Variants in ARHGAP6 observed in about 807,000 individuals in gnomAD.
The protein encoded by ARHGAP6 is rho GTPase-activating protein 6.
ARHGAP6 carries 16 observed loss-of-function variants against 55.7 expected under a neutral mutation model. The ratio of observed to expected loss-of-function variants is 0.29; its 90% CI spans 0.19 to 0.44. ARHGAP6 has a LOEUF of 0.44. ARHGAP6 is among the 20% of genes least tolerant of loss of function. ARHGAP6 has a pLI of 1.00. For missense variants in ARHGAP6, 698 were observed against 808.9 expected (o/e 0.86, Z 1.66); for synonymous variants, 382 against 360.9 (o/e 1.06, Z -0.66).
intron 1 of ARHGAP6, among the ~76,000 whole-genome samples, chrX:11,557,649 C>T (rs2051335076): frequency 8.9e-6 from 1 of 111,889 alleles, no homozygotes; most frequent in Non-Finnish European, 1.9e-5. Flanking sequence ...CGATTCATCC[C>T]AGTGTTAATT....
At chrX:11,506,493 T>C (rs1461241922) in intron 1 of ARHGAP6, among the ~76,000 whole-genome samples, 1 of 110,886 alleles carries the variant, frequency 9.0e-6, no homozygotes, top group Non-Finnish European at 1.9e-5. Context: ...ATGTGGTGTT[T>C]GGTTTTCTGT....
chrX:11,227,075 A>G (rs977390154), intron 2 of ARHGAP6, among the ~76,000 whole-genome samples: 16 of 112,215 alleles, frequency 1.4e-4, no homozygotes, highest in African/African-American at 5.2e-4. Context: ...GTGAAAAGAC[A>G]TGCTCATATG....
chrX:11,514,432 C>T (rs745645394), intron 1 of ARHGAP6, among the ~76,000 whole-genome samples: 4 of 110,008 alleles, frequency 3.6e-5, no homozygotes, highest in South Asian at 4.0e-4. Flanking sequence ...AATATCCTCT[C>T]GGGATATCCT....
chrX:11,301,074 A>C (rs2048168408), intron 1 of ARHGAP6, among the ~76,000 whole-genome samples: 1 of 112,104 alleles, frequency 8.9e-6, no homozygotes. Context: ...TAAGAAAGAT[A>C]AACTTTTGAA....
intron 12 of ARHGAP6, among the ~76,000 whole-genome samples, chrX:11,140,744 A>G (rs2045610291): frequency 8.9e-6 from 1 of 112,089 alleles, no homozygotes; most frequent in Non-Finnish European, 1.9e-5. Context: ...CGGAGTTGTT[A>G]CAGCAGTTAG....
At chrX:11,515,158 C>T (rs1367160160) in intron 1 of ARHGAP6, among the ~76,000 whole-genome samples, 3 of 111,680 alleles carry the variant, frequency 2.7e-5, no homozygotes, top group African/African-American at 9.8e-5. Flanking sequence ...GCCATGCCAT[C>T]CAAGATAGAT....
intron 2 of ARHGAP6, among the ~76,000 whole-genome samples, chrX:11,246,441 T>C (rs771846494): frequency 8.9e-6 from 1 of 111,777 alleles, no homozygotes; most frequent in East Asian, 2.8e-4. Flanking sequence ...CGATGCTCTT[T>C]AGAGATATGG....
chrX:11,540,780 G>T (rs969024931), intron 1 of ARHGAP6, among the ~76,000 whole-genome samples: 2 of 112,713 alleles, frequency 1.8e-5, no homozygotes, highest in South Asian at 7.3e-4. Flanking sequence ...ATCATAGGGC[G>T]TTGGAAGTAG....
chrX:11,626,804 T>G (rs2052304292), intron 1 of ARHGAP6, among the ~76,000 whole-genome samples: 1 of 111,694 alleles, frequency 9.0e-6, no homozygotes, highest in Non-Finnish European at 1.9e-5. Context: ...CAAACTTTTC[T>G]GAAGGCCACA....
At chrX:11,149,183 G>A (rs1035191742) in intron 10 of ARHGAP6, among the ~76,000 whole-genome samples, 2 of 111,782 alleles carry the variant, frequency 1.8e-5, no homozygotes, top group South Asian at 3.8e-4. Context: ...ACTTATGACA[G>A]GTGAAGATCA....
At chrX:11,245,825 G>T (rs1301060986) in intron 2 of ARHGAP6, among the ~76,000 whole-genome samples, 1 of 112,122 alleles carries the variant, frequency 8.9e-6, no homozygotes, top group Non-Finnish European at 1.9e-5. Flanking sequence ...CAAAAAATCT[G>T]CAACCTGCTG....
At chrX:11,198,955 T>C (rs1569252169) in intron 2 of ARHGAP6, among the ~76,000 whole-genome samples, 2 of 112,492 alleles carry the variant, frequency 1.8e-5, no homozygotes, top group Middle Eastern at 4.6e-3. Context: ...ATTTTATTCA[T>C]AGTTTTACCA....
chrX:11,279,761 T>C (rs2047829756), intron 1 of ARHGAP6, among the ~76,000 whole-genome samples: 1 of 111,378 alleles, frequency 9.0e-6, no homozygotes, highest in African/African-American at 3.3e-5. Flanking sequence ...ACATTAATAA[T>C]CTCATTTAAT....
intron 9 of ARHGAP6, among the ~76,000 whole-genome samples, chrX:11,168,859 C>CA (rs1327654524): frequency 1.8e-5 from 2 of 111,783 alleles, no homozygotes; most frequent in African/African-American, 3.2e-5. Flanking sequence ...CAATACAAAT[C>CA]AAAAAAATAT....
chrX:11,658,905 T>C (rs1209308535), intron 1 of ARHGAP6, among the ~76,000 whole-genome samples: 1 of 109,827 alleles, frequency 9.1e-6, no homozygotes, highest in Non-Finnish European at 1.9e-5. Context: ...ACCTTTGGCC[T>C]ATACCCACTA....
rs771506315 is a variant in ARHGAP6 at position 11,427,416 on chromosome X, C to A, written c.589-172709G>T. The A allele has an allele frequency of 1.2e-5, 10 of 808,800 alleles. No homozygotes were observed. In the African/African-American group the frequency reaches 2.3e-4, roughly 18 times the overall value. 66.7% of individuals were successfully genotyped at this position (808,800 alleles called of 1,213,427 possible). ...GTGAGCAGGTGGCACTTCGGGGTGA[C>A]GTACCCGGCCACCCGCCACCCCCTC... On this transcript the variant is annotated intron_variant, in intron 1 of 12. Coordinates refer to ENST00000337414, the MANE Select transcript of ARHGAP6 (RefSeq NM_013427.3).
At chrX:11,174,479 G>A (rs1569240878) in intron 8 of ARHGAP6, among the ~76,000 whole-genome samples, 1 of 109,948 alleles carries the variant, frequency 9.1e-6, no homozygotes, top group African/African-American at 3.3e-5. Context: ...AGATGCTCAG[G>A]ACATGCATGA....
chrX:11,581,703 G>T lies in ARHGAP6; in HGVS notation c.588+82538C>A, dbSNP rs2051668422. Among the ~76,000 whole-genome samples, 3 of 111,385 alleles carry T rather than the reference G, an allele frequency of 2.7e-5. No individual in the cohort carries two copies. The Admixed American group carries it at 2.9e-4, about 11-fold the overall frequency. On this transcript the variant is annotated intron_variant, in intron 1 of 12. Transcript: ENST00000337414. ...TAGTACAATTTAATTTGTGTGAAAT[G>T]TCCGGAATAGGCAAATCTATAGAGA...
intron 1 of ARHGAP6, among the ~76,000 whole-genome samples, chrX:11,376,736 C>A (rs956888764): frequency 2.7e-5 from 3 of 112,280 alleles, no homozygotes; most frequent in East Asian, 2.8e-4. Flanking sequence ...TTGTTAAAAT[C>A]ATGCTTGGTT....
Sources: allele counts gnomAD v4.1 joint callset (sites outside exome capture counted in the v4.1 genomes callset), GRCh38; gene constraint gnomAD v4.1.1; transcripts MANE v1.5; gene names NCBI Gene and HGNC (gene_info 2026-07-23, HGNC 2026-07-21).